CCDC7: variants seen among roughly 807,000 people sequenced by gnomAD.
CCDC7 encodes coiled-coil domain-containing protein 7.
A neutral mutation model predicts 196.9 loss-of-function variants in CCDC7; 183 were observed. The observed-to-expected ratio is 0.93, with a 90% CI of 0.82 to 1.05. CCDC7 has a LOEUF of 1.05. CCDC7 is among the 50% of genes least tolerant of loss of function. CCDC7 has a pLI of 0.00. For missense variants in CCDC7, 1,540 were observed against 1,482.2 expected (o/e 1.04, Z -0.64); for synonymous variants, 525 against 484.6 (o/e 1.08, Z -1.10).
exon 20 of CCDC7, chr10:32,635,096 T>C (rs1014035285): frequency 1.3e-5 from 5 of 398,734 alleles, no homozygotes; most frequent in African/African-American, 1.0e-4. Context: ...GACATGGTTT[T>C]AGTTTCAAGA....
intron 11 of CCDC7, among the ~76,000 whole-genome samples, chr10:32,528,954 C>T (rs891577436): frequency 2.6e-5 from 4 of 151,746 alleles, no homozygotes; most frequent in Non-Finnish European, 4.4e-5. Context: ...GATACCCAGT[C>T]GTGGGATTGC....
chr10:32,446,945 TCCTCCCTCCCTCCCTC>T (rs71027089), upstream of CCDC7, among the ~76,000 whole-genome samples: 3 of 90,060 alleles, frequency 3.3e-5, no homozygotes, highest in African/African-American at 7.0e-5. Flanking sequence ...CCTCTTCCCT[TCCTCCCTCCCTCCCTC>T]CCTCCCTCCC....
intron 20 of CCDC7, among the ~76,000 whole-genome samples, chr10:32,658,407 G>A (rs1215330794): frequency 6.6e-6 from 1 of 151,394 alleles, no homozygotes; most frequent in Non-Finnish European, 1.5e-5. Context: ...TGGCAGGAGA[G>A]AGAAGTGCTG....
downstream of CCDC7, among the ~76,000 whole-genome samples, chr10:32,880,555 C>G (rs755966664): frequency 3.0e-4 from 46 of 152,102 alleles, no homozygotes; most frequent in Non-Finnish European, 6.5e-4. Flanking sequence ...TAATTAGATC[C>G]CATTTGTCAA....
rs140631217 is a variant in CCDC7 at position 32,711,956 on chromosome 10, C to T, written c.2569+226C>T. ...CAACTTAATTTATGCTCTCAGTATC[C>T]ATCTCAGGACAATAATAGGCCAATA... On this transcript the variant is annotated intron_variant, in intron 25 of 41. Coordinates refer to ENST00000639629, the Ensembl canonical transcript of CCDC7. 2.0e-3 allele frequency among the ~76,000 whole-genome samples: 301 copies of T among 152,198 alleles called. 2 individuals carry two copies. The highest frequency in any genetic ancestry group is 6.9e-3 in the African/African-American group (288 of 41,532).
At chr10:32,791,212 C>T (rs1396440148) in intron 29 of CCDC7, among the ~76,000 whole-genome samples, 1 of 151,856 alleles carries the variant, frequency 6.6e-6, no homozygotes, top group Non-Finnish European at 1.5e-5. Flanking sequence ...CTACCCAAAA[C>T]ACTACCCTCT....
intron 24 of CCDC7, among the ~76,000 whole-genome samples, chr10:32,702,517 C>T (rs1344369242): frequency 6.6e-6 from 1 of 152,088 alleles, no homozygotes; most frequent in African/African-American, 2.4e-5. Context: ...GTGGAGAGTT[C>T]CGTAGATGTC....
chr10:32,465,426 G>C (rs992090353), intron 5 of CCDC7, among the ~76,000 whole-genome samples: 1 of 132,526 alleles, frequency 7.5e-6, no homozygotes, highest in African/African-American at 2.8e-5. Context: ...GTTGTATGTT[G>C]TTAAATTAAA....
intron 9 of CCDC7, among the ~76,000 whole-genome samples, chr10:32,502,756 A>G (rs1169994644): frequency 6.6e-6 from 1 of 152,182 alleles, no homozygotes; most frequent in Non-Finnish European, 1.5e-5. Flanking sequence ...TAGCATGAAC[A>G]TTTTAACGAT....
chr10:32,722,591 A>T (rs966894409), intron 25 of CCDC7, among the ~76,000 whole-genome samples: 7 of 152,018 alleles, frequency 4.6e-5, no homozygotes, highest in African/African-American at 1.4e-4. Flanking sequence ...TCAATTTCAC[A>T]TGGCATTTTC....
rs531109989 is a variant in CCDC7 at position 32,571,739 on chromosome 10, A to G, written c.1420-120A>G. ...ATGATAATTTCTTTGCTTTTTTGAT[A>G]CCTTAATCTTACGAAATTGTCATAT... On this transcript the variant is annotated intron_variant, in intron 15 of 41. Transcript: ENST00000639629. 2.9e-5 allele frequency: 26 copies of G among 884,084 alleles called. 1 individual carries two copies. In the South Asian group the frequency reaches 1.1e-3, roughly 38 times the overall value. 54.8% of individuals were successfully genotyped at this position (884,084 alleles called of 1,614,324 possible).
intron 18 of CCDC7, among the ~76,000 whole-genome samples, chr10:32,611,834 A>G (rs578254618): frequency 1.3e-5 from 2 of 152,234 alleles, no homozygotes; most frequent in Non-Finnish European, 2.9e-5. Context: ...CTTGTAGTAT[A>G]ATTTGAAGTC....
chr10:32,868,141 C>A (rs548569249), intron 41 of CCDC7, among the ~76,000 whole-genome samples: 2 of 152,008 alleles, frequency 1.3e-5, no homozygotes, highest in Non-Finnish European at 2.9e-5. Flanking sequence ...TATGTATATA[C>A]CACATTTTGC....
chr10:32,673,154 C>G (rs2074344684), intron 21 of CCDC7, among the ~76,000 whole-genome samples: 1 of 152,040 alleles, frequency 6.6e-6, no homozygotes, highest in Non-Finnish European at 1.5e-5. Context: ...GTGTATATGT[C>G]TTTTATGGCA....
chr10:32,814,815 GGT>G (rs2088025749), intron 31 of CCDC7, among the ~76,000 whole-genome samples: 1 of 152,098 alleles, frequency 6.6e-6, no homozygotes, highest in South Asian at 2.1e-4. Context: ...TTAGTCCTGG[GGT>G]TACAGTGTTA....
chr10:32,465,043 A>C (rs1193640084), intron 5 of CCDC7, among the ~76,000 whole-genome samples: 1 of 152,158 alleles, frequency 6.6e-6, no homozygotes, highest in Non-Finnish European at 1.5e-5. Context: ...CAGGGTGTAA[A>C]GGCAAAACTG....
intron 8 of CCDC7, among the ~76,000 whole-genome samples, chr10:32,477,357 C>T (rs1346303299): frequency 6.6e-6 from 1 of 151,848 alleles, no homozygotes; most frequent in East Asian, 1.9e-4. Flanking sequence ...CGTGCGCCAC[C>T]ACGCCCGGCT....
intron 20 of CCDC7, among the ~76,000 whole-genome samples, chr10:32,637,838 G>A (rs1268272076): frequency 4.6e-5 from 7 of 152,096 alleles, no homozygotes; most frequent in Admixed American, 1.3e-4. Flanking sequence ...TCATTTTCAC[G>A]ATATTGATTC....
chr10:32,808,844 G>GC lies in CCDC7; in HGVS notation c.3097+3748dup, dbSNP rs1416579841. ...AGCTGAAAAAAAAAATTATACAGAG[G>GC]CCGTATACCACTGCATACACCCAGA... On this transcript the variant is annotated intron_variant, in intron 30 of 41. Transcript: ENST00000639629. 2.0e-5 allele frequency among the ~76,000 whole-genome samples: 3 copies of GC among 151,934 alleles called. No homozygotes were observed. The South Asian group carries it at 6.2e-4, about 32-fold the overall frequency.
Sources: allele counts gnomAD v4.1 joint callset (sites outside exome capture counted in the v4.1 genomes callset), GRCh38; gene constraint gnomAD v4.1.1; transcripts MANE v1.5; gene names NCBI Gene and HGNC (gene_info 2026-07-23, HGNC 2026-07-21).